PDIA5: variants seen among roughly 807,000 people sequenced by gnomAD.
The protein encoded by PDIA5 is protein disulfide isomerase family A member 5.
In PDIA5, 58 loss-of-function variants were observed where a neutral mutation model predicts 77.6. The ratio of observed to expected loss-of-function variants is 0.75; its 90% CI spans 0.61 to 0.93. The LOEUF is 0.93. PDIA5 is among the 40% of genes least tolerant of loss of function. PDIA5 has a pLI of 0.00. For missense variants in PDIA5, 630 were observed against 647.7 expected, an observed-to-expected ratio of 0.97 and a Z score of 0.30; for synonymous variants, 250 against 252.1, an observed-to-expected ratio of 0.99 and a Z score of 0.08.
chr3:123,089,099 A>G, intron 1 of PDIA5, 69 bp from the exon 2 acceptor site: 1 of 1,506,624 alleles, frequency 6.6e-7, no homozygotes, highest in Non-Finnish European at 9.1e-7. Context: ...CAGCACATCC[A>G]TGGGCACCGA....
intron 15 of PDIA5, 30 bp from the exon 16 acceptor site, chr3:123,161,291 T>G: frequency 6.2e-7 from 1 of 1,608,982 alleles, no homozygotes; most frequent in South Asian, 1.1e-5. Flanking sequence ...GGGGACACCC[T>G]GTGCCAACTC....
At chr3:123,097,874 AGTC>A (rs1290844371) in intron 3 of PDIA5, among the ~76,000 whole-genome samples, 1 of 152,148 alleles carries the variant, frequency 6.6e-6, no homozygotes, top group Non-Finnish European at 1.5e-5. Context: ...AGGCTGGGGT[AGTC>A]GTGGGCACAA....
chr3:123,153,278 T>G (rs1489545775), intron 14 of PDIA5, among the ~76,000 whole-genome samples: 1 of 152,176 alleles, frequency 6.6e-6, no homozygotes, highest in Non-Finnish European at 1.5e-5. Flanking sequence ...GGGGGGTGGT[T>G]ATTTTCGCCA....
At chr3:123,156,720 G>A (rs764845779) in intron 15 of PDIA5, among the ~76,000 whole-genome samples, 27 of 152,208 alleles carry the variant, frequency 1.8e-4, no homozygotes, top group Non-Finnish European at 3.7e-4. Flanking sequence ...AGGCATGACT[G>A]GCAGACAGAT....
intron 7 of PDIA5, 152 bp downstream of exon 7, chr3:123,111,156 T>C: frequency 1.5e-6 from 1 of 665,148 alleles, no homozygotes; most frequent in Non-Finnish European, 2.7e-6. Context: ...CCTCTTTTCC[T>C]TCATCTTTGC....
intron 13 of PDIA5, among the ~76,000 whole-genome samples, chr3:123,150,002 T>A (rs1167189316): frequency 6.6e-6 from 1 of 152,180 alleles, no homozygotes; most frequent in Non-Finnish European, 1.5e-5. Flanking sequence ...GTCTTCCATA[T>A]TTTACAAAAT....
intron 8 of PDIA5, among the ~76,000 whole-genome samples, chr3:123,123,085 G>A (rs1935157291): frequency 6.6e-6 from 1 of 151,840 alleles, no homozygotes; most frequent in South Asian, 2.1e-4. Flanking sequence ...AGCCAGCCTG[G>A]GCAACACAGC....
At chr3:123,146,430 G>C (rs1216889166) in intron 13 of PDIA5, among the ~76,000 whole-genome samples, 171 bp downstream of exon 13, 1 of 152,192 alleles carries the variant, frequency 6.6e-6, no homozygotes, top group African/African-American at 2.4e-5. Flanking sequence ...TGCTGATCAC[G>C]TGTCTTGATC....
intron 16 of PDIA5, 29 bp downstream of exon 16, chr3:123,161,484 G>GCT (rs1560571078): frequency 4.4e-6 from 7 of 1,607,514 alleles, no homozygotes; most frequent in Admixed American, 1.7e-5. Flanking sequence ...TCTGCCCAGA[G>GCT]CTCTCTCTCT....
At chr3:123,113,543 C>T (rs188815068) in intron 7 of PDIA5, among the ~76,000 whole-genome samples, 2 of 152,280 alleles carry the variant, frequency 1.3e-5, no homozygotes, top group Non-Finnish European at 1.5e-5. Context: ...AGGGTCAGAT[C>T]GGTTGCACTC....
At chr3:123,120,059 G>A (rs193037530) in intron 8 of PDIA5, among the ~76,000 whole-genome samples, 5 of 152,214 alleles carry the variant, frequency 3.3e-5, no homozygotes, top group East Asian at 1.9e-4. Flanking sequence ...TAGCAGCCAC[G>A]CTGCCCCCAT....
chr3:123,084,858 C>T (rs1934095340), intron 1 of PDIA5, among the ~76,000 whole-genome samples: 1 of 152,206 alleles, frequency 6.6e-6, no homozygotes, highest in African/African-American at 2.4e-5. Flanking sequence ...CCCTCCACCT[C>T]CGGCCTCCCT....
Position 123,146,227 on chromosome 3 carries a change from G to A in PDIA5, c.1110G>A (p.Arg370=). 1.2e-6 allele frequency: 2 copies of A among 1,614,118 alleles called. No individual in the cohort carries two copies. Among genetic ancestry groups the A allele is most frequent in the Non-Finnish European group, 1.7e-6 (2 of 1,179,992 alleles). Residue 370 remains arginine (R), a synonymous_variant, in exon 13 of 17, where the codon AGG becomes AGA. Transcript: ENST00000316218. The part of the protein sequence containing the change: ...NGEKYAVPVL[R]TKKKFLEWMQ... The stretch of plus-strand genomic sequence containing the variant: ...AGAAATACGCAGTGCCTGTGCTCAG[G>A]ACAAAGAAGAAGTTTCTCGAGTGGA...
At chr3:123,130,859 C>T (rs1935356600) in intron 11 of PDIA5, among the ~76,000 whole-genome samples, 1 of 152,168 alleles carries the variant, frequency 6.6e-6, no homozygotes, top group South Asian at 2.1e-4. Flanking sequence ...TTAGCTAGAG[C>T]TCAGTGAGTC....
intron 1 of PDIA5, among the ~76,000 whole-genome samples, chr3:123,082,083 C>T (rs1053163225): frequency 1.3e-5 from 2 of 152,204 alleles, no homozygotes; most frequent in African/African-American, 4.8e-5. Context: ...GCCCCAGGAA[C>T]CTTGGGAGAC....
At chr3:123,107,810 G>A (rs913683311) in intron 6 of PDIA5, among the ~76,000 whole-genome samples, 1 of 151,724 alleles carries the variant, frequency 6.6e-6, no homozygotes, top group East Asian at 1.9e-4. Flanking sequence ...GACTTTTTTT[G>A]TTTTTAGAGA....
At chr3:123,138,600 A>G (rs1347538273) in intron 11 of PDIA5, among the ~76,000 whole-genome samples, 2 of 152,238 alleles carry the variant, frequency 1.3e-5, no homozygotes, top group East Asian at 3.8e-4. Context: ...AAAGGAAAAA[A>G]CAAACTCTTT....
chr3:123,142,319 T>C (rs1935658667), intron 11 of PDIA5, among the ~76,000 whole-genome samples: 1 of 152,246 alleles, frequency 6.6e-6, no homozygotes, highest in South Asian at 2.1e-4. Flanking sequence ...CGGTTGCCCC[T>C]GGGAATCTGC....
chr3:123,118,172 G>T (rs1321418714), intron 8 of PDIA5, among the ~76,000 whole-genome samples: 1 of 152,232 alleles, frequency 6.6e-6, no homozygotes, highest in Non-Finnish European at 1.5e-5. Flanking sequence ...TCATTCTGGG[G>T]TGACACTGAG....
Sources: gnomAD v4.1 joint callset for allele counts (sites outside exome capture counted in the v4.1 genomes callset) on GRCh38, gnomAD v4.1.1 for gene constraint, MANE v1.5 for transcripts, NCBI Gene and HGNC (gene_info 2026-07-23, HGNC 2026-07-21) for gene names.